The following TAFA4 variants were observed in gnomAD, a reference collection of about 807,000 sequenced individuals.
The protein encoded by TAFA4 is chemokine-like protein TAFA-4.
TAFA4 carries 20 observed loss-of-function variants against 21.1 expected under a neutral mutation model. The ratio of observed to expected loss-of-function variants is 0.95; its 90% CI spans 0.67 to 1.38. The LOEUF (loss-of-function observed/expected upper bound fraction) is 1.38. Among genes scored for constraint, TAFA4 ranks in the 40% most tolerant of loss-of-function variants. TAFA4 has a pLI of 0.00. For synonymous variants in TAFA4, 71 were observed against 67.4 expected, an observed-to-expected ratio of 1.05 and a Z score of -0.26; for missense variants, 211 against 180.9, an observed-to-expected ratio of 1.17 and a Z score of -0.95.
chr3:68,874,408 C>A (rs141530799), intron 3 of TAFA4, among the ~76,000 whole-genome samples: 1 of 152,054 alleles, frequency 6.6e-6, no homozygotes, highest in Non-Finnish European at 1.5e-5. Flanking sequence ...CTTCCTGCCC[C>A]GTCTCTACCC....
chr3:68,912,942 T>A (rs1281808223), intron 1 of TAFA4, among the ~76,000 whole-genome samples: 1 of 152,184 alleles, frequency 6.6e-6, no homozygotes, highest in Non-Finnish European at 1.5e-5. Context: ...AGAGCATGGC[T>A]GCTGGAAGAA....
At chr3:68,900,026 C>G (rs114969384) in intron 1 of TAFA4, among the ~76,000 whole-genome samples, 2,316 of 150,228 alleles carry the variant, frequency 0.015, 57 homozygotes, top group African/African-American at 0.054. Flanking sequence ...ACTGCCTGAG[C>G]TCAGGAGTTC....
intron 5 of TAFA4, among the ~76,000 whole-genome samples, chr3:68,737,109 T>G (rs964420830): frequency 6.6e-6 from 1 of 152,124 alleles, no homozygotes; most frequent in African/African-American, 2.4e-5. Context: ...TTGCTCATGA[T>G]CTTGTTTTAT....
At chr3:68,832,281 G>A (rs1704416231) in intron 3 of TAFA4, among the ~76,000 whole-genome samples, 1 of 152,176 alleles carries the variant, frequency 6.6e-6, no homozygotes, top group African/African-American at 2.4e-5. Flanking sequence ...GGAATTTTCA[G>A]CCTCTCTGCT....
At chr3:68,915,883 T>C (rs974713440) in intron 1 of TAFA4, among the ~76,000 whole-genome samples, 1 of 152,208 alleles carries the variant, frequency 6.6e-6, no homozygotes, top group African/African-American at 2.4e-5. Flanking sequence ...GAAAAATTTA[T>C]AAGAGAAATT....
intron 3 of TAFA4, among the ~76,000 whole-genome samples, chr3:68,801,814 T>G (rs985360124): frequency 5.3e-5 from 8 of 152,192 alleles, no homozygotes; most frequent in African/African-American, 1.9e-4. Context: ...TGGGCCAGAT[T>G]TGATCAAAGT....
intron 3 of TAFA4, among the ~76,000 whole-genome samples, chr3:68,824,127 AT>A (rs1029690172): frequency 4.6e-5 from 7 of 152,212 alleles, no homozygotes; most frequent in African/African-American, 1.7e-4. Context: ...GCCCTAAGTT[AT>A]TTTTTAAAAA....
chr3:68,820,619 T>C (rs1207897878), intron 3 of TAFA4, among the ~76,000 whole-genome samples: 1 of 152,118 alleles, frequency 6.6e-6, no homozygotes, highest in Non-Finnish European at 1.5e-5. Flanking sequence ...TGAGCCATGA[T>C]AGCACCACTG....
intron 3 of TAFA4, among the ~76,000 whole-genome samples, chr3:68,872,627 A>G (rs1005858496): frequency 2.0e-5 from 3 of 152,178 alleles, no homozygotes; most frequent in Admixed American, 6.6e-5. Context: ...TTTGATCATT[A>G]CACATTGTAT....
At chr3:68,928,854 A>G (rs1183023279) in intron 1 of TAFA4, among the ~76,000 whole-genome samples, 2 of 152,162 alleles carry the variant, frequency 1.3e-5, no homozygotes, top group Non-Finnish European at 2.9e-5. Context: ...GGTTTTTTAA[A>G]TAACATAATA....
At chr3:68,913,696 AC>A (rs1209422870) in intron 1 of TAFA4, 1 of 152,232 alleles carries the variant, frequency 6.6e-6, no homozygotes, top group Admixed American at 6.5e-5. Flanking sequence ...TGCAAGTCCT[AC>A]AGAATGAGAA....
chr3:68,879,220 G>A (rs2089588271), intron 3 of TAFA4, among the ~76,000 whole-genome samples: 1 of 152,008 alleles, frequency 6.6e-6, no homozygotes, highest in South Asian at 2.1e-4. Context: ...CCCGCTGTCA[G>A]ACTTCCTATA....
rs557664817 is a variant in TAFA4 at position 68,833,510 on chromosome 3, A to G, written c.130+47220T>C. ...GGAGCTTCAATAAAAGGACCAATAT[A>G]AAGATTATTTTGACTACCTAAAGCA... On this transcript the variant is annotated intron_variant, in intron 3 of 5. Transcript: ENST00000295569. Among the ~76,000 whole-genome samples the G allele has an allele frequency of 2.0e-5, 3 of 152,294 alleles. No homozygotes were observed. In the South Asian group the frequency reaches 6.2e-4, roughly 32 times the overall value.
chr3:68,757,589 T>A (rs562672095), intron 3 of TAFA4, among the ~76,000 whole-genome samples: 4 of 152,346 alleles, frequency 2.6e-5, no homozygotes, highest in African/African-American at 9.6e-5. Context: ...TCAGTAATGC[T>A]ATGATTTACT....
At chr3:68,808,745 T>A (rs568658825) in intron 3 of TAFA4, among the ~76,000 whole-genome samples, 1 of 152,188 alleles carries the variant, frequency 6.6e-6, no homozygotes, top group Non-Finnish European at 1.5e-5. Flanking sequence ...GCAGTCAGAA[T>A]AGGTTAAGTT....
intron 3 of TAFA4, among the ~76,000 whole-genome samples, chr3:68,813,381 G>A (rs1006726989): frequency 6.6e-6 from 1 of 152,092 alleles, no homozygotes; most frequent in South Asian, 2.1e-4. Flanking sequence ...ATGAATCCAG[G>A]AGCTGGTTTT....
intron 3 of TAFA4, among the ~76,000 whole-genome samples, chr3:68,776,259 T>C (rs1575603973): frequency 6.6e-6 from 1 of 152,162 alleles, no homozygotes; most frequent in East Asian, 1.9e-4. Flanking sequence ...AAGACCCAAA[T>C]ATATGCTATC....
intron 4 of TAFA4, among the ~76,000 whole-genome samples, chr3:68,747,602 G>T (rs200947815): frequency 6.6e-6 from 1 of 151,996 alleles, no homozygotes; most frequent in East Asian, 1.9e-4. Context: ...ACCCATTCTC[G>T]GGTATGTCTT....
At chr3:68,927,632 C>G (rs2090121011) in intron 1 of TAFA4, among the ~76,000 whole-genome samples, 1 of 152,166 alleles carries the variant, frequency 6.6e-6, no homozygotes, top group Non-Finnish European at 1.5e-5. Context: ...GGCACAGTAG[C>G]TCATGCCTGT....
Sources: allele counts gnomAD v4.1 joint callset (sites outside exome capture counted in the v4.1 genomes callset), GRCh38; gene constraint gnomAD v4.1.1; transcripts MANE v1.5; gene names NCBI Gene and HGNC (gene_info 2026-07-23, HGNC 2026-07-21).